DCC: variants seen among roughly 807,000 people sequenced by gnomAD.
DCC encodes DCC netrin 1 receptor.
DCC carries 58 observed loss-of-function variants against 172.5 expected under a neutral mutation model. The ratio of observed to expected loss-of-function variants is 0.34; its 90% CI spans 0.27 to 0.42. The LOEUF is 0.42. DCC is among the 10% of genes least tolerant of loss of function. The probability of loss-of-function intolerance (pLI) is 1.00; values close to 1 mark genes in which losing one functional copy is unlikely to be tolerated. For missense variants in DCC, 1,740 were observed against 1,791.0 expected (o/e 0.97, Z 0.51); for synonymous variants, 709 against 644.5 (o/e 1.10, Z -1.52).
chr18:53,180,907 C>T (rs2055186254), intron 9 of DCC, among the ~76,000 whole-genome samples: 1 of 152,120 alleles, frequency 6.6e-6, no homozygotes, highest in Non-Finnish European at 1.5e-5. Context: ...GCCATCGCGC[C>T]CAGCCCAACA....
intron 7 of DCC, among the ~76,000 whole-genome samples, chr18:53,140,627 G>GA (rs1441217271): frequency 3.3e-5 from 5 of 151,990 alleles, no homozygotes; most frequent in Admixed American, 6.6e-5. Context: ...CTCTCACACA[G>GA]AGAAATATGC....
intron 12 of DCC, among the ~76,000 whole-genome samples, chr18:53,264,175 A>G (rs1003805648): frequency 6.6e-6 from 1 of 152,068 alleles, no homozygotes; most frequent in Non-Finnish European, 1.5e-5. Context: ...TTTACAGGGA[A>G]TTTTGGGAAG....
chr18:53,104,255 A>C (rs1234892816), intron 7 of DCC, among the ~76,000 whole-genome samples: 2 of 152,008 alleles, frequency 1.3e-5, no homozygotes, highest in Admixed American at 6.6e-5. Flanking sequence ...CTGCGTCCCC[A>C]CCCAAATCTT....
intron 25 of DCC, among the ~76,000 whole-genome samples, chr18:53,475,445 C>T (rs1274928993): frequency 6.6e-6 from 1 of 152,150 alleles, no homozygotes; most frequent in Non-Finnish European, 1.5e-5. Flanking sequence ...CTGCGTGCAG[C>T]CTATGGACTT....
At chr18:52,950,818 G>A (rs1423975801) in intron 5 of DCC, among the ~76,000 whole-genome samples, 4 of 151,384 alleles carry the variant, frequency 2.6e-5, no homozygotes, top group East Asian at 1.9e-4. Context: ...CCAGCTACTC[G>A]GGAGGCTGTG....
chr18:52,649,177 T>C (rs2035075436), intron 1 of DCC, among the ~76,000 whole-genome samples: 1 of 152,116 alleles, frequency 6.6e-6, no homozygotes, highest in Admixed American at 6.5e-5. Flanking sequence ...ATCGAGACCA[T>C]ACTGGCTAAC....
intron 13 of DCC, among the ~76,000 whole-genome samples, chr18:53,316,588 G>A (rs1322473829): frequency 6.6e-6 from 1 of 152,080 alleles, no homozygotes; most frequent in African/African-American, 2.4e-5. Flanking sequence ...TCCTATCCAT[G>A]AGCATGGAAT....
Position 53,174,800 on chromosome 18 carries a change from G to A in DCC, c.1419-4162G>A, listed in dbSNP as rs1474382266. On this transcript the variant is annotated intron_variant, in intron 8 of 28. Coordinates refer to ENST00000442544, the MANE Select transcript of DCC (RefSeq NM_005215.4). ...GAAACTATTCCAATCAATAGAAAAA[G>A]AGGGAATCCTCCCTAACTCTTTTTA... Among the ~76,000 whole-genome samples, 9 of 151,652 alleles carry A rather than the reference G, an allele frequency of 5.9e-5. No individual in the cohort carries two copies. In the East Asian group the frequency reaches 9.7e-4, roughly 16 times the overall value.
intron 7 of DCC, among the ~76,000 whole-genome samples, chr18:53,092,906 C>G (rs1444670569): frequency 1.3e-5 from 2 of 152,056 alleles, no homozygotes; most frequent in Admixed American, 1.3e-4. Context: ...AATTTTAATG[C>G]TAGCAACTGA....
intron 1 of DCC, among the ~76,000 whole-genome samples, chr18:52,645,521 A>G (rs1246676469): frequency 1.3e-5 from 2 of 152,212 alleles, no homozygotes; most frequent in African/African-American, 4.8e-5. Flanking sequence ...GCAAAGATAC[A>G]AACAAAAGAA....
chr18:52,392,057 G>C (rs1029510856), intron 1 of DCC, among the ~76,000 whole-genome samples: 1 of 152,130 alleles, frequency 6.6e-6, no homozygotes, highest in Non-Finnish European at 1.5e-5. Flanking sequence ...GTTATGAGGC[G>C]CACAGATTGC....
intron 1 of DCC, among the ~76,000 whole-genome samples, chr18:52,577,576 C>A (rs888181091): frequency 1.3e-5 from 2 of 152,094 alleles, no homozygotes; most frequent in Non-Finnish European, 2.9e-5. Flanking sequence ...CTTCAAATTT[C>A]TTTTTCTTTT....
chr18:52,570,021 T>A (rs1344155549), intron 1 of DCC, among the ~76,000 whole-genome samples: 1 of 152,164 alleles, frequency 6.6e-6, no homozygotes, highest in Non-Finnish European at 1.5e-5. Context: ...AATACTGGGA[T>A]CCTAGTATGA....
At chr18:53,385,993 G>T in intron 15 of DCC, 50 bp from the exon 16 acceptor site, 1 of 1,214,122 alleles carries the variant, frequency 8.2e-7, no homozygotes, top group Non-Finnish European at 1.2e-6. Flanking sequence ...TGAGTATTTT[G>T]ATACATTAAA....
At chr18:52,880,242 T>C (rs2039464110) in intron 2 of DCC, among the ~76,000 whole-genome samples, 1 of 152,106 alleles carries the variant, frequency 6.6e-6, no homozygotes, top group South Asian at 2.1e-4. Flanking sequence ...GTTCAAGCAA[T>C]TCTTGTGTCT....
At chr18:52,485,941 A>G (rs1453549491) in intron 1 of DCC, among the ~76,000 whole-genome samples, 1 of 152,126 alleles carries the variant, frequency 6.6e-6, no homozygotes, top group Non-Finnish European at 1.5e-5. Flanking sequence ...CATGCAGAAA[A>G]GAAAACAAAG....
chr18:53,127,176 A>C (rs369484312), intron 7 of DCC, among the ~76,000 whole-genome samples: 2 of 104,420 alleles, frequency 1.9e-5, no homozygotes, highest in African/African-American at 3.5e-5. Flanking sequence ...TTTCATTTTT[A>C]ATTTTTTTTT....
At chr18:53,248,678 T>C (rs1056770567) in intron 12 of DCC, among the ~76,000 whole-genome samples, 1 of 152,032 alleles carries the variant, frequency 6.6e-6, no homozygotes, top group Non-Finnish European at 1.5e-5. Flanking sequence ...CTTTGTTTTT[T>C]AATGCCAGTT....
intron 2 of DCC, among the ~76,000 whole-genome samples, chr18:52,838,292 T>C (rs1478870236): frequency 2.6e-5 from 4 of 152,212 alleles, no homozygotes; most frequent in Non-Finnish European, 5.9e-5. Flanking sequence ...TATTTTATGT[T>C]GACATTTTTA....
Sources: allele counts gnomAD v4.1 joint callset (sites outside exome capture counted in the v4.1 genomes callset), GRCh38; gene constraint gnomAD v4.1.1; transcripts MANE v1.5; gene names NCBI Gene and HGNC (gene_info 2026-07-23, HGNC 2026-07-21).